Variants in LRMDA observed in about 807,000 individuals in gnomAD.
LRMDA encodes the protein leucine rich melanocyte differentiation associated, also known as leucine-rich melanocyte differentiation-associated protein.
In LRMDA, 18 loss-of-function variants were observed where a neutral mutation model predicts 29.8. The ratio of observed to expected loss-of-function variants is 0.60; its 90% CI spans 0.42 to 0.90. The LOEUF is 0.90. LRMDA is among the 40% of genes least tolerant of loss of function. LRMDA has a pLI of 0.00. For missense variants in LRMDA, 273 were observed against 273.9 expected (o/e 1.00, Z 0.02); for synonymous variants, 125 against 109.4 (o/e 1.14, Z -0.89).
intron 5 of LRMDA, among the ~76,000 whole-genome samples, chr10:76,320,380 G>A (rs1040710671): frequency 3.9e-5 from 6 of 152,112 alleles, no homozygotes; most frequent in African/African-American, 1.2e-4. Flanking sequence ...CAAGCCTTGC[G>A]GGGGAAGGGG....
At chr10:76,471,993 AC>A (rs1263261818) in intron 6 of LRMDA, among the ~76,000 whole-genome samples, 1 of 151,726 alleles carries the variant, frequency 6.6e-6, no homozygotes, top group African/African-American at 2.4e-5. Context: ...AGTGTTCAAT[AC>A]CCCACTCTTA....
At chr10:76,146,455 T>C (rs957779738) in intron 5 of LRMDA, among the ~76,000 whole-genome samples, 10 of 151,552 alleles carry the variant, frequency 6.6e-5, no homozygotes, top group African/African-American at 2.2e-4. Context: ...ATGGCCTTCT[T>C]TGTCTCTTTT....
chr10:75,793,971 A>G (rs905593839), intron 2 of LRMDA, among the ~76,000 whole-genome samples: 9 of 152,242 alleles, frequency 5.9e-5, no homozygotes, highest in African/African-American at 2.2e-4. Flanking sequence ...CATAGTGGGA[A>G]AACGGCCATA....
intron 2 of LRMDA, among the ~76,000 whole-genome samples, chr10:75,620,825 T>C (rs552495106): frequency 6.6e-6 from 1 of 152,362 alleles, no homozygotes; most frequent in East Asian, 1.9e-4. Context: ...ATTTTGTTTT[T>C]GCTTTTTTAA....
rs573558513 is a variant in LRMDA at position 75,456,989 on chromosome 10, T to A, written c.131+18495T>A. Among the ~76,000 whole-genome samples the A allele has an allele frequency of 3.7e-4, 57 of 152,202 alleles. 1 individual carries two copies. Among genetic ancestry groups the A allele is most frequent in the Middle Eastern group, 3.4e-3 (1 of 294 alleles). ...CCTCACGTGGCGGTAAAATGGATTT[T>A]AAAAAAAACATGGTAATTGCTTATT... On this transcript the variant is annotated intron_variant, in intron 2 of 6. Transcript: ENST00000611255.
At chr10:76,546,576 C>T (rs1237914073) in intron 6 of LRMDA, among the ~76,000 whole-genome samples, 2 of 152,124 alleles carry the variant, frequency 1.3e-5, no homozygotes, top group Non-Finnish European at 2.9e-5. Flanking sequence ...TTATACTTGC[C>T]TCACTGACCA....
chr10:76,072,962 C>G (rs1387190669), intron 5 of LRMDA, among the ~76,000 whole-genome samples: 1 of 152,212 alleles, frequency 6.6e-6, no homozygotes, highest in African/African-American at 2.4e-5. Context: ...GTGTTTCCAG[C>G]ATCGCAGATG....
At chr10:76,102,396 T>C (rs1378038545) in intron 5 of LRMDA, among the ~76,000 whole-genome samples, 1 of 152,214 alleles carries the variant, frequency 6.6e-6, no homozygotes, top group African/African-American at 2.4e-5. Flanking sequence ...TCCCACCCTC[T>C]ACCATTAAGT....
At chr10:75,625,589 T>C (rs1452203843) in intron 2 of LRMDA, among the ~76,000 whole-genome samples, 2 of 152,210 alleles carry the variant, frequency 1.3e-5, no homozygotes, top group East Asian at 3.8e-4. Flanking sequence ...TATCTAGTTA[T>C]TTATCTTTGT....
intron 5 of LRMDA, among the ~76,000 whole-genome samples, chr10:76,190,161 C>G (rs947909460): frequency 6.6e-6 from 1 of 151,982 alleles, no homozygotes; most frequent in Non-Finnish European, 1.5e-5. Flanking sequence ...TCTCTTTCCT[C>G]GGCACAAATG....
intron 4 of LRMDA, among the ~76,000 whole-genome samples, chr10:76,050,694 A>G (rs1475397776): frequency 1.3e-5 from 2 of 152,268 alleles, no homozygotes; most frequent in East Asian, 3.8e-4. Flanking sequence ...CATGCTACTG[A>G]GAAACCACTT....
rs1177584725 is a variant in LRMDA at position 76,251,184 on chromosome 10, T to C, written c.517-73217T>C. On this transcript the variant is annotated intron_variant, in intron 5 of 6. Coordinates refer to ENST00000611255, the MANE Select transcript of LRMDA (RefSeq NM_001305581.2). ...GTCTGGTCACACTGATATCATGACT[T>C]AGAAAAGCACACTGTCCATTGAAGG... Among the ~76,000 whole-genome samples, 3 of 150,726 alleles carry C rather than the reference T, an allele frequency of 2.0e-5. No homozygotes were observed. In the East Asian group the frequency reaches 5.9e-4, roughly 30 times the overall value.
intron 5 of LRMDA, among the ~76,000 whole-genome samples, chr10:76,224,431 G>A (rs1851911398): frequency 6.6e-6 from 1 of 151,876 alleles, no homozygotes; most frequent in South Asian, 2.1e-4. Context: ...AGTTAGCCAG[G>A]CATGGTAGCA....
At position 75,498,008 on chromosome 10, in the gene LRMDA, C is replaced by A. The variant is rs568205890; in HGVS notation, c.131+59514C>A. Among the ~76,000 whole-genome samples, 13 of 152,258 alleles carry A rather than the reference C, an allele frequency of 8.5e-5. No homozygotes were observed. In the East Asian group the frequency reaches 9.6e-4, roughly 11 times the overall value. Reference sequence around the variant, plus strand: ...CAGTTTTCCCCAAAGCGGCTGTTTCCTTTTCACTTCCACCAACAAAGTATT... The same window carrying A: ...CAGTTTTCCCCAAAGCGGCTGTTTCATTTTCACTTCCACCAACAAAGTATT... On this transcript the variant is annotated intron_variant, in intron 2 of 6. Transcript: ENST00000611255.
At position 76,254,836 on chromosome 10, in the gene LRMDA, G is replaced by C. The variant is rs370633635; in HGVS notation, c.517-69565G>C. Among the ~76,000 whole-genome samples, 341 of 150,158 alleles carry C rather than the reference G, an allele frequency of 2.3e-3. 2 individuals are homozygous for C. The highest frequency in any genetic ancestry group is 7.6e-3 in the African/African-American group (310 of 40,736). On this transcript the variant is annotated intron_variant, in intron 5 of 6. Coordinates refer to ENST00000611255, the MANE Select transcript of LRMDA (RefSeq NM_001305581.2). The stretch of plus-strand genomic sequence containing the variant: ...AGTTCAAGTTCATTTTATTTTAGAA[G>C]TTACGACCGGTTTTATAGGAACAAT...
intron 5 of LRMDA, among the ~76,000 whole-genome samples, chr10:76,227,664 A>C (rs1228562529): frequency 1.3e-5 from 2 of 152,220 alleles, no homozygotes; most frequent in East Asian, 1.9e-4. Flanking sequence ...AAGAGTAACT[A>C]CATTAGTGTT....
chr10:75,947,852 TG>T (rs1166872268), intron 2 of LRMDA, among the ~76,000 whole-genome samples: 1 of 152,192 alleles, frequency 6.6e-6, no homozygotes, highest in African/African-American at 2.4e-5. Flanking sequence ...CCTTTCTGCC[TG>T]TCTCTTCTGA....
intron 2 of LRMDA, among the ~76,000 whole-genome samples, chr10:76,009,460 C>A (rs1847733815): frequency 6.6e-6 from 1 of 152,166 alleles, no homozygotes; most frequent in African/African-American, 2.4e-5. Context: ...TAGGGGGCCC[C>A]TAAAAAAGAA....
intron 6 of LRMDA, among the ~76,000 whole-genome samples, chr10:76,335,915 A>G (rs1840962113): frequency 6.6e-6 from 1 of 152,180 alleles, no homozygotes; most frequent in African/African-American, 2.4e-5. Context: ...GGAGGAGGGC[A>G]TAATGAGGCA....
Sources: allele counts gnomAD v4.1 joint callset (sites outside exome capture counted in the v4.1 genomes callset), GRCh38; gene constraint gnomAD v4.1.1; transcripts MANE v1.5; gene names NCBI Gene and HGNC (gene_info 2026-07-23, HGNC 2026-07-21).